DMD: variants seen among roughly 807,000 people sequenced by gnomAD.
DMD encodes dystrophin.
In DMD, 63 loss-of-function variants were observed where a neutral mutation model predicts 330.1. That is an observed-to-expected ratio of 0.19 (90% CI 0.16 to 0.24). The LOEUF is 0.24. DMD is among the 10% of genes least tolerant of loss of function. The pLI, the probability that DMD is intolerant of heterozygous loss-of-function variation, is 1.00. For missense variants in DMD, 3,344 were observed against 2,684.1 expected, an observed-to-expected ratio of 1.25 and a Z score of -5.43; for synonymous variants, 1,223 against 959.8, an observed-to-expected ratio of 1.27 and a Z score of -5.07.
chrX:32,095,395 A>T (rs1055098905), intron 44 of DMD, among the ~76,000 whole-genome samples: 1 of 111,639 alleles, frequency 9.0e-6, no homozygotes, highest in African/African-American at 3.3e-5. Context: ...TATTTTCAGA[A>T]AATTCTCTAA....
intron 44 of DMD, among the ~76,000 whole-genome samples, chrX:32,086,409 G>A (rs908669772): frequency 3.6e-5 from 4 of 111,831 alleles, no homozygotes; most frequent in Admixed American, 2.9e-4. Context: ...GGTGTTTCAC[G>A]CATATTATCT....
intron 50 of DMD, among the ~76,000 whole-genome samples, chrX:31,796,226 A>T (rs1227324484): frequency 4.4e-5 from 5 of 112,688 alleles, no homozygotes; most frequent in Non-Finnish European, 9.4e-5. Context: ...GAGGTTTTGT[A>T]GAAGATGCTA....
chrX:32,642,684 T>TA (rs1193224491), intron 11 of DMD, among the ~76,000 whole-genome samples: 1 of 112,183 alleles, frequency 8.9e-6, no homozygotes, highest in Non-Finnish European at 1.9e-5. Context: ...GAGGAATTCA[T>TA]ATTTTCTTGC....
intron 11 of DMD, among the ~76,000 whole-genome samples, chrX:32,643,754 GA>G (rs2059618089): frequency 9.0e-6 from 1 of 111,554 alleles, no homozygotes. Flanking sequence ...TTTTTCTTCA[GA>G]AGAGAAGTTT....
chrX:32,811,531 C>G (rs1206698140), intron 6 of DMD, among the ~76,000 whole-genome samples: 1 of 111,898 alleles, frequency 8.9e-6, no homozygotes, highest in East Asian at 2.8e-4. Context: ...ATTTTGTTCA[C>G]TGCTGGAAAC....
At chrX:31,150,422 T>C (rs1278295158) in intron 74 of DMD, among the ~76,000 whole-genome samples, 2 of 112,302 alleles carry the variant, frequency 1.8e-5, no homozygotes, top group African/African-American at 6.5e-5. Context: ...CTTTAGGATT[T>C]ACTGAGAATA....
chrX:31,271,090 G>C (rs375593702), intron 62 of DMD, among the ~76,000 whole-genome samples: 1 of 111,843 alleles, frequency 8.9e-6, no homozygotes, highest in Non-Finnish European at 1.9e-5. Context: ...CTCTCCAAGT[G>C]ATTCTAATAT....
chrX:31,901,201 C>T (rs903627417), intron 47 of DMD, among the ~76,000 whole-genome samples: 5 of 111,814 alleles, frequency 4.5e-5, no homozygotes, highest in South Asian at 3.7e-4. Flanking sequence ...CCACAACCAC[C>T]GCCCTTACTC....
intron 44 of DMD, among the ~76,000 whole-genome samples, chrX:31,991,100 G>A (rs1332292968): frequency 2.7e-5 from 3 of 111,772 alleles, no homozygotes; most frequent in African/African-American, 9.7e-5. Flanking sequence ...AATAAAAAGT[G>A]CAAGAACACA....
chrX:32,980,455 G>T lies in DMD; in HGVS notation c.93+39684C>A, dbSNP rs137874472. On this transcript the variant is annotated intron_variant, in intron 2 of 78. Coordinates refer to ENST00000357033, the MANE Select transcript of DMD (RefSeq NM_004006.3). ...ATAAAGTACAATAAGATAGACAAATGCAAGTTTTATGCACAAATGAACATC... is the reference window on the plus strand; with the variant it reads ...ATAAAGTACAATAAGATAGACAAATTCAAGTTTTATGCACAAATGAACATC... Among the ~76,000 whole-genome samples, 14 of 107,507 alleles carry T rather than the reference G, an allele frequency of 1.3e-4. 1 individual carries two copies. The East Asian group carries it at 3.3e-3, about 25-fold the overall frequency. 93.4% of individuals were successfully genotyped at this position (107,507 alleles called of 115,157 possible). A position where few individuals can be genotyped will look rare whatever the true frequency, so the allele number is the denominator to read the frequency against.
intron 62 of DMD, among the ~76,000 whole-genome samples, chrX:31,263,862 G>C (rs2050760695): frequency 8.9e-6 from 1 of 112,501 alleles, no homozygotes; most frequent in South Asian, 3.6e-4. Flanking sequence ...GAGAAAAATA[G>C]TCTTTTAATC....
At chrX:32,030,648 GGTA>G (rs779800633) in intron 44 of DMD, among the ~76,000 whole-genome samples, 3 of 111,335 alleles carry the variant, frequency 2.7e-5, no homozygotes, top group Non-Finnish European at 5.7e-5. Flanking sequence ...CTATGACCTT[GGTA>G]AAGTCACTTG....
intron 60 of DMD, among the ~76,000 whole-genome samples, chrX:31,397,827 T>C (rs1259511671): frequency 8.9e-6 from 1 of 112,140 alleles, no homozygotes; most frequent in Non-Finnish European, 1.9e-5. Flanking sequence ...GAACTGCACA[T>C]AATGCAAAGT....
intron 1 of DMD, among the ~76,000 whole-genome samples, chrX:33,066,423 T>C (rs2094659101): frequency 1.3e-5 from 1 of 78,598 alleles, no homozygotes; most frequent in South Asian, 7.5e-4. Flanking sequence ...CACTCCAGCC[T>C]GGACAAAACA....
chrX:32,425,071 T>C (rs1379244202), intron 29 of DMD, among the ~76,000 whole-genome samples: 1 of 111,965 alleles, frequency 8.9e-6, no homozygotes, highest in African/African-American at 3.2e-5. Flanking sequence ...ATTATTTCCA[T>C]TGCGAATAAC....
At chrX:32,628,258 ATTTTT>A (rs1170760390) in intron 11 of DMD, among the ~76,000 whole-genome samples, 1 of 15,359 alleles carries the variant, frequency 6.5e-5, no homozygotes, top group Non-Finnish European at 1.2e-4. Flanking sequence ...AGTTGTTTTA[ATTTTT>A]TTTTTTTTTT....
At chrX:32,331,106 A>C (rs1167045440) in intron 41 of DMD, among the ~76,000 whole-genome samples, 1 of 111,701 alleles carries the variant, frequency 9.0e-6, no homozygotes, top group Non-Finnish European at 1.9e-5. Context: ...GATAAGAGAT[A>C]CCCTTTGTAA....
intron 55 of DMD, among the ~76,000 whole-genome samples, chrX:31,558,672 G>GTA (rs199910510): frequency 0.073 from 7,952 of 108,929 alleles, 335 homozygotes; most frequent in Admixed American, 0.17. Flanking sequence ...ATATGTGTGC[G>GTA]TATATATATA....
intron 2 of DMD, among the ~76,000 whole-genome samples, chrX:32,983,196 C>G (rs1405594364): frequency 1.8e-5 from 2 of 110,547 alleles, no homozygotes; most frequent in Non-Finnish European, 3.8e-5. Context: ...GTTTTATACC[C>G]ACTATCTATC....
Sources: allele counts gnomAD v4.1 joint callset (sites outside exome capture counted in the v4.1 genomes callset), GRCh38; gene constraint gnomAD v4.1.1; transcripts MANE v1.5; gene names NCBI Gene and HGNC (gene_info 2026-07-23, HGNC 2026-07-21).